SLC14A2: variants seen among roughly 807,000 people sequenced by gnomAD.
The protein encoded by SLC14A2 is urea transporter 2.
In SLC14A2, 91 loss-of-function variants were observed where a neutral mutation model predicts 104.6. The ratio of observed to expected loss-of-function variants is 0.87; its 90% confidence interval spans 0.73 to 1.04. The LOEUF is 1.04. SLC14A2 is among the 50% of genes least tolerant of loss of function. The pLI is 0.00. For missense variants in SLC14A2, 1,189 were observed against 1,156.0 expected, an observed-to-expected ratio of 1.03 and a Z score of -0.41; for synonymous variants, 476 against 466.4, an observed-to-expected ratio of 1.02 and a Z score of -0.27.
the SLC14A2 span, among the ~76,000 whole-genome samples, chr18:45,199,971 C>T: frequency 6.6e-6 from 1 of 152,182 alleles, no homozygotes. Flanking sequence ...CACATATCCC[C>T]ATTAAAGAAC....
intron 1 of SLC14A2, among the ~76,000 whole-genome samples, chr18:45,235,039 G>T (rs1244752774): frequency 2.0e-5 from 3 of 151,584 alleles, no homozygotes; most frequent in Non-Finnish European, 4.4e-5. Flanking sequence ...TGTGTAGACG[G>T]GCATAGAAAG....
intron 1 of SLC14A2, among the ~76,000 whole-genome samples, chr18:45,259,862 T>C (rs1357999822): frequency 6.6e-6 from 1 of 152,178 alleles, no homozygotes; most frequent in Non-Finnish European, 1.5e-5. Flanking sequence ...CAGGATTTGT[T>C]TTGTCCCTCA....
At chr18:45,334,654 C>T (rs1391987311) in intron 1 of SLC14A2, among the ~76,000 whole-genome samples, 2 of 152,094 alleles carry the variant, frequency 1.3e-5, no homozygotes, top group African/African-American at 4.8e-5. Flanking sequence ...TTGCCTTGAT[C>T]TTTCTTTTCT....
intron 8 of SLC14A2, 61 bp from the exon 9 acceptor site, chr18:45,643,071 G>A (rs1305102235): frequency 6.6e-7 from 1 of 1,508,998 alleles, no homozygotes; most frequent in Non-Finnish European, 9.2e-7. Flanking sequence ...GGTCTGCAAT[G>A]GCAGTGGCTT....
intron 1 of SLC14A2, among the ~76,000 whole-genome samples, chr18:45,387,422 G>C (rs928805765): frequency 6.6e-6 from 1 of 152,140 alleles, no homozygotes; most frequent in Non-Finnish European, 1.5e-5. Context: ...ATATTTATGA[G>C]AATGACTGAT....
chr18:45,556,613 A>G (rs1022547631), intron 2 of SLC14A2, among the ~76,000 whole-genome samples: 1 of 152,238 alleles, frequency 6.6e-6, no homozygotes, highest in African/African-American at 2.4e-5. Flanking sequence ...TGAAGATAAT[A>G]GTAGTTAAAT....
At chr18:45,184,294 G>C in the SLC14A2 span, among the ~76,000 whole-genome samples, 1 of 152,168 alleles carries the variant, frequency 6.6e-6, no homozygotes, top group Admixed American at 6.5e-5. Context: ...AATACATGTA[G>C]TAAGTTAACT....
chr18:45,591,428 C>T (rs1196165253), intron 2 of SLC14A2, among the ~76,000 whole-genome samples: 2 of 152,120 alleles, frequency 1.3e-5, no homozygotes, highest in African/African-American at 4.8e-5. Context: ...TTCCGCCTCC[C>T]GGGTTCAAGC....
intron 1 of SLC14A2, among the ~76,000 whole-genome samples, chr18:45,213,772 A>T (rs1223600383): frequency 6.6e-6 from 1 of 152,176 alleles, no homozygotes. Flanking sequence ...CAAATTAATG[A>T]TCCTGTTCAG....
intron 1 of SLC14A2, among the ~76,000 whole-genome samples, chr18:45,237,420 A>G (rs1330087640): frequency 2.0e-5 from 3 of 152,150 alleles, no homozygotes; most frequent in South Asian, 2.1e-4. Flanking sequence ...ACATGGCTGG[A>G]CAGATCCCAG....
the SLC14A2 span, among the ~76,000 whole-genome samples, chr18:45,175,753 T>C: frequency 6.6e-6 from 1 of 152,112 alleles, no homozygotes. Flanking sequence ...TGAGCAACCT[T>C]GAAGAGCCTG....
At chr18:45,440,261 C>T (rs1051832642) in intron 1 of SLC14A2, 1 of 151,142 alleles carries the variant, frequency 6.6e-6, no homozygotes, top group Non-Finnish European at 1.5e-5. Flanking sequence ...GGACTAAATC[C>T]AGCAGTGTTG....
intron 2 of SLC14A2, among the ~76,000 whole-genome samples, chr18:45,599,695 T>A (rs1020613618): frequency 3.9e-5 from 6 of 152,190 alleles, no homozygotes; most frequent in Non-Finnish European, 8.8e-5. Flanking sequence ...CCTGTATTAG[T>A]CTGTTCTCAC....
intron 1 of SLC14A2, among the ~76,000 whole-genome samples, chr18:45,343,797 A>G (rs1008392484): frequency 8.5e-5 from 13 of 152,176 alleles, no homozygotes; most frequent in East Asian, 1.9e-4. Flanking sequence ...TGCAGGCACC[A>G]TGAGATCAAA....
chr18:45,444,117 A>G (rs2705377), intron 1 of SLC14A2, among the ~76,000 whole-genome samples: 130,043 of 152,198 alleles, frequency 0.85, 55,613 homozygotes, highest in South Asian at 0.93. Context: ...CTGTGGAACC[A>G]TCAGCAATGT....
At chr18:45,661,928 G>C (rs1282134618) in intron 10 of SLC14A2, among the ~76,000 whole-genome samples, 2 of 152,180 alleles carry the variant, frequency 1.3e-5, no homozygotes, top group Non-Finnish European at 2.9e-5. Flanking sequence ...CTGACCCCTG[G>C]ACAGGATGCT....
At chr18:45,675,709 A>ATATAT (rs57989993) in intron 18 of SLC14A2, among the ~76,000 whole-genome samples, 77 of 78,390 alleles carry the variant, frequency 9.8e-4, no homozygotes, top group Non-Finnish European at 1.4e-3. Flanking sequence ...ATATATATAT[A>ATATAT]TTTTTTTTTT....
intron 2 of SLC14A2, among the ~76,000 whole-genome samples, chr18:45,566,521 A>G (rs1429159833): frequency 3.9e-4 from 8 of 20,434 alleles, no homozygotes; most frequent in Admixed American, 1.4e-3. Flanking sequence ...GCTCGCACAC[A>G]CACACACACA....
intron 1 of SLC14A2, among the ~76,000 whole-genome samples, chr18:45,439,046 G>A (rs1415535031): frequency 6.6e-6 from 1 of 152,180 alleles, no homozygotes; most frequent in Admixed American, 6.5e-5. Context: ...AACTTTGGGA[G>A]TTCCAAGAAG....
Sources: allele counts gnomAD v4.1 joint callset (sites outside exome capture counted in the v4.1 genomes callset), GRCh38; gene constraint gnomAD v4.1.1; transcripts MANE v1.5; gene names NCBI Gene and HGNC (gene_info 2026-07-23, HGNC 2026-07-21).